FGF12: variants seen among roughly 807,000 people sequenced by gnomAD.
FGF12 encodes the protein fibroblast growth factor 12, also known as fibroblast growth factor 12B.
Under a neutral mutation model 23.6 loss-of-function variants are expected in FGF12, and 14 were observed. The observed-to-expected ratio is 0.59, with a 90% CI of 0.39 to 0.93. The LOEUF is 0.93. FGF12 is among the 40% of genes least tolerant of loss of function. FGF12 has a pLI of 0.00. For missense variants in FGF12, 175 were observed against 217.8 expected, an observed-to-expected ratio of 0.80 and a Z score of 1.24; for synonymous variants, 62 against 77.3, an observed-to-expected ratio of 0.80 and a Z score of 1.04.
At chr3:192,266,328 T>C (rs80177670) in intron 4 of FGF12, among the ~76,000 whole-genome samples, 1,927 of 152,254 alleles carry the variant, frequency 0.013, 34 homozygotes, top group East Asian at 0.046. Context: ...GATAGGGCCT[T>C]ATACACAGGG....
intron 4 of FGF12, among the ~76,000 whole-genome samples, chr3:192,257,776 G>A (rs1712493850): frequency 6.6e-6 from 1 of 151,988 alleles, no homozygotes; most frequent in Non-Finnish European, 1.5e-5. Flanking sequence ...AGGAAAATTG[G>A]CTTTCTCCTG....
At chr3:192,577,763 C>A (rs950090994) in intron 2 of FGF12, among the ~76,000 whole-genome samples, 1 of 152,202 alleles carries the variant, frequency 6.6e-6, no homozygotes, top group Non-Finnish European at 1.5e-5. Context: ...TCTTTCTAAT[C>A]TCACAATGAT....
intron 2 of FGF12, among the ~76,000 whole-genome samples, chr3:192,652,209 A>G (rs938627172): frequency 6.6e-6 from 1 of 152,224 alleles, no homozygotes; most frequent in Non-Finnish European, 1.5e-5. Context: ...GCAAGGAACT[A>G]TGGGAACCCA....
At position 192,143,365 on chromosome 3, in the gene FGF12, T is replaced by C. The variant is rs1311306481; in HGVS notation, c.*644A>G. 1.3e-5 allele frequency: 2 copies of C among 152,168 alleles called. No homozygotes were observed. 9.4% of individuals were successfully genotyped at this position (152,168 alleles called of 1,614,324 possible). A position where few individuals can be genotyped will look rare whatever the true frequency, so the allele number is the denominator to read the frequency against. On this transcript the variant is annotated 3_prime_UTR_variant, in exon 6 of 6. Coordinates refer to ENST00000445105, the MANE Select transcript of FGF12 (RefSeq NM_004113.6). Reference sequence around the variant, plus strand: ...TCGATGCCATACAAGATTTTCCTTTTACATAAAACAATCTTAAATTACATC... The same window carrying C: ...TCGATGCCATACAAGATTTTCCTTTCACATAAAACAATCTTAAATTACATC...
intron 4 of FGF12, among the ~76,000 whole-genome samples, chr3:192,300,741 G>A (rs769239786): frequency 6.6e-6 from 1 of 152,104 alleles, no homozygotes; most frequent in Non-Finnish European, 1.5e-5. Flanking sequence ...AGGCTCACCT[G>A]GCGCAGTGGC....
intron 4 of FGF12, chr3:192,282,792 A>G (rs1447621823): frequency 2.0e-5 from 3 of 152,148 alleles, no homozygotes; most frequent in Non-Finnish European, 4.4e-5. Context: ...CATTCTTTTG[A>G]ATAGTTTCAG....
intron 4 of FGF12, among the ~76,000 whole-genome samples, chr3:192,315,467 A>C (rs2108677006): frequency 6.6e-6 from 1 of 152,144 alleles, no homozygotes; most frequent in South Asian, 2.1e-4. Flanking sequence ...CCTCTCCCTG[A>C]AGGTTATGAA....
At chr3:192,471,958 A>C (rs1257474180) in intron 2 of FGF12, among the ~76,000 whole-genome samples, 1 of 151,832 alleles carries the variant, frequency 6.6e-6, no homozygotes, top group Admixed American at 6.6e-5. Context: ...AAGTACCTGC[A>C]CATGCTGATT....
intron 2 of FGF12, among the ~76,000 whole-genome samples, chr3:192,425,930 C>G (rs189854834): frequency 2.0e-5 from 3 of 152,242 alleles, no homozygotes; most frequent in South Asian, 2.1e-4. Context: ...AACTGTCTTA[C>G]TACAACTTTC....
intron 2 of FGF12, among the ~76,000 whole-genome samples, chr3:192,523,650 A>C (rs2055420): frequency 0.8 from 122,067 of 152,188 alleles, 50,648 homozygotes; most frequent in Non-Finnish European, 0.9. Flanking sequence ...ATAAGATACT[A>C]TTAAGTCCAC....
chr3:192,694,598 C>T (rs1011198823), intron 2 of FGF12, among the ~76,000 whole-genome samples: 1 of 151,514 alleles, frequency 6.6e-6, no homozygotes, highest in Admixed American at 6.6e-5. Flanking sequence ...TACATATATA[C>T]ATATATATGT....
intron 2 of FGF12, among the ~76,000 whole-genome samples, chr3:192,605,215 A>G (rs1415274230): frequency 6.6e-6 from 1 of 152,008 alleles, no homozygotes; most frequent in Non-Finnish European, 1.5e-5. Context: ...TGTCTCTACT[A>G]AAAATACAAA....
chr3:192,573,677 A>T (rs145018607), intron 2 of FGF12, among the ~76,000 whole-genome samples: 43 of 152,200 alleles, frequency 2.8e-4, no homozygotes, highest in African/African-American at 9.4e-4. Context: ...ATTGGTTCCA[A>T]TTCTCCAGAG....
intron 2 of FGF12, among the ~76,000 whole-genome samples, chr3:192,625,890 CA>C (rs1291480328): frequency 2.0e-5 from 3 of 152,022 alleles, no homozygotes; most frequent in African/African-American, 7.2e-5. Flanking sequence ...CAATTTTTCC[CA>C]AGATCCCAAG....
intron 2 of FGF12, among the ~76,000 whole-genome samples, chr3:192,443,431 CTT>C (rs1186428547): frequency 1.1e-4 from 16 of 152,158 alleles, no homozygotes; most frequent in African/African-American, 3.9e-4. Context: ...ATATAAATAA[CTT>C]AAGTATTGCA....
At chr3:192,240,812 A>G (rs1344615099) in intron 4 of FGF12, among the ~76,000 whole-genome samples, 3 of 152,180 alleles carry the variant, frequency 2.0e-5, no homozygotes, top group Admixed American at 1.3e-4. Context: ...TTATGATACT[A>G]TCATGCTTTT....
intron 5 of FGF12, among the ~76,000 whole-genome samples, chr3:192,164,824 TA>T (rs1294024770): frequency 3.3e-5 from 5 of 152,216 alleles, no homozygotes; most frequent in Non-Finnish European, 5.9e-5. Context: ...TTTTTTTGGT[TA>T]ACCCATTAGC....
intron 2 of FGF12, among the ~76,000 whole-genome samples, chr3:192,491,525 A>C (rs1723803288): frequency 6.6e-6 from 1 of 152,146 alleles, no homozygotes; most frequent in African/African-American, 2.4e-5. Flanking sequence ...ACAAGCCTTC[A>C]CTTGACACCA....
chr3:192,334,835 G>A (rs1433145876), intron 4 of FGF12, among the ~76,000 whole-genome samples: 1 of 152,086 alleles, frequency 6.6e-6, no homozygotes, highest in Non-Finnish European at 1.5e-5. Context: ...GTAATCCAGA[G>A]CTCATTCCAT....
Sources: gnomAD v4.1 joint callset for allele counts (sites outside exome capture counted in the v4.1 genomes callset) on GRCh38, gnomAD v4.1.1 for gene constraint, MANE v1.5 for transcripts, NCBI Gene and HGNC (gene_info 2026-07-23, HGNC 2026-07-21) for gene names.